POC5: variants seen among roughly 807,000 people sequenced by gnomAD.
POC5 encodes the protein centrosomal protein POC5.
In POC5, 48 loss-of-function variants were observed where a neutral mutation model predicts 62.9. That is an observed-to-expected ratio of 0.76 (90% CI 0.61 to 0.97). POC5 has a LOEUF of 0.97. Ranked by LOEUF, POC5 falls within the 50% of genes least tolerant of loss-of-function variation. The pLI, the probability that POC5 is intolerant of heterozygous loss-of-function variation, is 0.00. For missense variants in POC5, 696 were observed against 679.5 expected, an observed-to-expected ratio of 1.02 and a Z score of -0.27; for synonymous variants, 236 against 228.2, an observed-to-expected ratio of 1.03 and a Z score of -0.31.
intron 2 of POC5, among the ~76,000 whole-genome samples, chr5:75,710,180 T>C (rs1485695781): frequency 1.3e-5 from 2 of 152,184 alleles, no homozygotes; most frequent in Non-Finnish European, 2.9e-5. Context: ...GGACTACGTA[T>C]CAGCTCAGAA....
At chr5:75,702,889 A>G in intron 4 of POC5, 79 bp from the exon 5 acceptor site, 1 of 1,119,384 alleles carries the variant, frequency 8.9e-7, no homozygotes, top group African/African-American at 1.6e-5. Context: ...TGGAAGGCTA[A>G]AAGACGTCTG....
intron 1 of POC5, 94 bp downstream of exon 1, chr5:75,717,212 G>C (rs904832718): frequency 3.6e-4 from 55 of 152,298 alleles, no homozygotes; most frequent in African/African-American, 1.3e-3. Flanking sequence ...GAGCCCAGGG[G>C]GAGGAAACAC....
chr5:75,706,172 C>A (rs1777111831), intron 3 of POC5, among the ~76,000 whole-genome samples: 1 of 152,224 alleles, frequency 6.6e-6, no homozygotes, highest in Non-Finnish European at 1.5e-5. Flanking sequence ...TCAAGTGGCA[C>A]TGGCTCCCCC....
intron 10 of POC5, among the ~76,000 whole-genome samples, chr5:75,682,035 TTC>T (rs1775886519): frequency 6.6e-6 from 1 of 152,276 alleles, no homozygotes; most frequent in Non-Finnish European, 1.5e-5. Context: ...TTAATTGTGA[TTC>T]TCTTTTCTCC....
chr5:75,713,564 T>G (rs968441365), intron 1 of POC5, among the ~76,000 whole-genome samples: 3 of 152,230 alleles, frequency 2.0e-5, no homozygotes, highest in Non-Finnish European at 2.9e-5. Flanking sequence ...GAGTTTACAA[T>G]CTGTAGAGAG....
intron 5 of POC5, among the ~76,000 whole-genome samples, chr5:75,699,017 GGAA>G (rs1776740770): frequency 6.6e-6 from 1 of 152,024 alleles, no homozygotes; most frequent in South Asian, 2.1e-4. Flanking sequence ...GACTAAACCA[GGAA>G]GAAGTTGAAT....
chr5:75,690,835 A>G (rs1215386656), intron 7 of POC5, among the ~76,000 whole-genome samples: 1 of 152,244 alleles, frequency 6.6e-6, no homozygotes, highest in Non-Finnish European at 1.5e-5. Context: ...TAATCAAGTT[A>G]GAGAAAAAGA....
intron 2 of POC5, chr5:75,709,684 C>T (rs1280871143): frequency 6.6e-6 from 1 of 151,980 alleles, no homozygotes; most frequent in Non-Finnish European, 1.5e-5. Flanking sequence ...AATACACTTC[C>T]CAAAGCATAT....
Position 75,703,349 on chromosome 5 carries a change from CG to C in POC5, c.308-540del, listed in dbSNP as rs369131556. 1.3e-4 allele frequency among the ~76,000 whole-genome samples: 20 copies of C among 152,100 alleles called. No homozygotes were observed. The East Asian group carries it at 3.5e-3, about 26-fold the overall frequency. On this transcript the variant is annotated intron_variant, in intron 4 of 11. Coordinates refer to ENST00000428202, the MANE Select transcript of POC5 (RefSeq NM_001099271.2). ...GGTTTTAATACTATTAAAATTCGGCCGGGCGCGGTGGCTCATGCCTGTAATC... is the reference window on the plus strand; with the variant it reads ...GGTTTTAATACTATTAAAATTCGGCCGGCGCGGTGGCTCATGCCTGTAATC...
chr5:75,705,844 A>G, intron 3 of POC5, 57 bp from the exon 4 acceptor site: 1 of 1,055,110 alleles, frequency 9.5e-7, no homozygotes, highest in Non-Finnish European at 1.4e-6. Context: ...TAAAATGTCT[A>G]ATCACACATA....
At chr5:75,689,336 T>A (rs908620701) in intron 8 of POC5, 171 bp from the exon 9 acceptor site, 2 of 984,972 alleles carry the variant, frequency 2.0e-6, no homozygotes, top group African/African-American at 3.5e-5. Flanking sequence ...ACCTCTATTA[T>A]CTCCATCAAC....
chr5:75,700,676 A>G (rs1284063501), intron 5 of POC5, among the ~76,000 whole-genome samples: 18 of 148,868 alleles, frequency 1.2e-4, no homozygotes, highest in Non-Finnish European at 1.5e-5. Context: ...CTTCATGTCT[A>G]AAACACCAAA....
intron 1 of POC5, among the ~76,000 whole-genome samples, chr5:75,716,383 T>TGGG (rs34043513): frequency 6.7e-4 from 34 of 50,398 alleles, no homozygotes; most frequent in African/African-American, 1.5e-3. Context: ...GTAACAGGGG[T>TGGG]GGGGGGGGGG....
chr5:75,688,893 C>T (rs1346765049), intron 9 of POC5, 119 bp downstream of exon 9: 2 of 997,692 alleles, frequency 2.0e-6, no homozygotes, highest in South Asian at 3.3e-5. Flanking sequence ...TTAAGAATAG[C>T]AGCACCTGGA....
At chr5:75,704,568 A>G (rs1258051383) in intron 4 of POC5, among the ~76,000 whole-genome samples, 1 of 152,236 alleles carries the variant, frequency 6.6e-6, no homozygotes, top group Non-Finnish European at 1.5e-5. Context: ...GACAATGTAC[A>G]TGAATATTCT....
chr5:75,682,043 T>C (rs1045970747), intron 10 of POC5, among the ~76,000 whole-genome samples: 12 of 152,250 alleles, frequency 7.9e-5, no homozygotes, highest in African/African-American at 2.7e-4. Context: ...GATTCTCTTT[T>C]CTCCCTGGCC....
At chr5:75,712,716 C>T in intron 2 of POC5, 138 bp downstream of exon 2, 1 of 760,294 alleles carries the variant, frequency 1.3e-6, no homozygotes, top group Non-Finnish European at 2.2e-6. Flanking sequence ...TACAGTAATT[C>T]CTGAAGTTTG....
chr5:75,713,790 T>C (rs1292587533), intron 1 of POC5, among the ~76,000 whole-genome samples: 1 of 152,074 alleles, frequency 6.6e-6, no homozygotes, highest in South Asian at 2.1e-4. Flanking sequence ...TCCTGAAAGA[T>C]GGATAAAAGG....
chr5:75,695,013 C>A (rs1776501454), intron 5 of POC5, among the ~76,000 whole-genome samples, 182 bp from the exon 6 acceptor site: 2 of 152,158 alleles, frequency 1.3e-5, no homozygotes, highest in South Asian at 4.1e-4. Flanking sequence ...CTGTGCAGTT[C>A]ACATTCATCA....
Sources: allele counts gnomAD v4.1 joint callset (sites outside exome capture counted in the v4.1 genomes callset), GRCh38; gene constraint gnomAD v4.1.1; transcripts MANE v1.5; gene names NCBI Gene and HGNC (gene_info 2026-07-23, HGNC 2026-07-21).